Variants in MUTYH observed in about 807,000 individuals in gnomAD.
The protein encoded by MUTYH is mutY DNA glycosylase.
MUTYH carries 64 observed loss-of-function variants against 72.9 expected under a neutral mutation model. The ratio of observed to expected loss-of-function variants is 0.88; its 90% CI spans 0.72 to 1.08. MUTYH has a LOEUF of 1.08. MUTYH is among the 50% of genes least tolerant of loss of function. The pLI, the probability that MUTYH is intolerant of heterozygous loss-of-function variation, is 0.00. For missense variants in MUTYH, 633 were observed against 671.0 expected (o/e 0.94, Z 0.63); for synonymous variants, 234 against 263.1 (o/e 0.89, Z 1.07).
intron 1 of MUTYH, chr1:45,338,314 G>A (rs1646256729): frequency 7.6e-6 from 4 of 528,812 alleles, no homozygotes; most frequent in Non-Finnish European, 1.5e-5. Context: ...TCTAGCCAAG[G>A]TTGACTGAAT....
At chr1:45,339,659 T>A in intron 1 of MUTYH, 1 of 384,320 alleles carries the variant, frequency 2.6e-6, no homozygotes, top group Non-Finnish European at 5.1e-6. Flanking sequence ...AAAGCTTCCC[T>A]ACCAATCGGT....
chr1:45,340,364 T>A (rs1646844785), upstream of MUTYH: 1 of 1,569,314 alleles, frequency 6.4e-7, no homozygotes, highest in Admixed American at 1.9e-5. Context: ...GGGGAAGGCC[T>A]CGGGCTCATA....
At chr1:45,329,825 A>G (rs1644466020) in intron 15 of MUTYH, 2 of 201,888 alleles carry the variant, frequency 9.9e-6, no homozygotes, top group African/African-American at 2.3e-5. Context: ...TGGAAAGAAC[A>G]TCGCTACGGT....
rs587778538 is a variant in MUTYH at position 45,331,810 on chromosome 1, G to C, written c.953C>G (p.Ser318Trp). ...TCCCAGGGTCTGGTCCCAGGGCTCCGAGGGAGGCAGGCACAGGTGGCACTG... is the reference window on the plus strand; with the variant it reads ...TCCCAGGGTCTGGTCCCAGGGCTCCCAGGGAGGCAGGCACAGGTGGCACTG... ...TGQCHLCLPP[S>W]EPWDQTLGVV... The change falls in exon 12 of 16, where the codon TCG (serine) becomes TGG (tryptophan). Residue 318 changes from serine (S) to tryptophan (W), a missense_variant. Coordinates refer to ENST00000456914, the MANE Select transcript of MUTYH (RefSeq NM_001048174.2). 3.6e-5 allele frequency: 58 copies of C among 1,609,824 alleles called. No individual in the cohort carries two copies. Among genetic ancestry groups the C allele is most frequent in the Non-Finnish European group, 4.6e-5 (54 of 1,177,952 alleles).
chr1:45,339,680 C>T (rs911916414), intron 1 of MUTYH: 1 of 482,118 alleles, frequency 2.1e-6, no homozygotes, highest in African/African-American at 2.0e-5. Context: ...CGCTCTTACA[C>T]CCTGGGCAGC....
chr1:45,333,229 C>T lies in MUTYH; in HGVS notation c.304+56G>A, dbSNP rs201858839. ...GACCTGCCCCTACCTGGCCCACAGC[C>T]CCCAGACCCAAGGGCCTCGAGGCAA... On this transcript the variant is annotated intron_variant, in intron 4 of 15. Transcript: ENST00000456914. 3.8e-3 allele frequency: 6,108 copies of T among 1,614,104 alleles called. 23 individuals are homozygous for T. The highest frequency in any genetic ancestry group is 5.0e-3 in the Admixed American group (301 of 60,020).
At position 45,331,432 on chromosome 1, in the gene MUTYH, C is replaced by T. The variant is rs199575659; in HGVS notation, c.1227G>A (p.Arg409=). The T allele has an allele frequency of 9.3e-6, 15 of 1,614,250 alleles. No homozygotes were observed. The highest frequency in any genetic ancestry group is 6.7e-5 in the East Asian group (3 of 44,880). ...GCTGCTCACTTACCTCCCCAAGGTGCCGGAGGTGCGTGGCTGGGAGGGGCC... is the reference window on the plus strand; with the variant it reads ...GCTGCTCACTTACCTCCCCAAGGTGTCGGAGGTGCGTGGCTGGGAGGGGCC... ...WAGPLPATHL[R]HLGEVVHTFS... is the part of the protein sequence containing the mutation. The change falls in exon 13 of 16, where the codon CGG becomes CGA. Residue 409 remains arginine, a synonymous_variant. Coordinates refer to ENST00000456914, the MANE Select transcript of MUTYH (RefSeq NM_001048174.2).
At chr1:45,329,536 AG>A in intron 15 of MUTYH, 99 bp from the exon 16 acceptor site, 1 of 1,479,190 alleles carries the variant, frequency 6.8e-7, no homozygotes, top group Non-Finnish European at 9.2e-7. Context: ...CTACTGATCT[AG>A]CTAGGCTTAG....
In MUTYH at chr1:45,337,565, T is replaced by C. The variant is rs370015131; in HGVS notation, c.-7+2334A>G. On this transcript the variant is annotated intron_variant, in intron 1 of 15. Coordinates refer to ENST00000456914, the MANE Select transcript of MUTYH (RefSeq NM_001048174.2). ...TTCTTTTTTAAATACTGTAGGCCTT[T>C]ACTATGGGTCATTAAATTCTTGAGC... Among the ~76,000 whole-genome samples the C allele has an allele frequency of 2.5e-4, 38 of 152,094 alleles. No individual in the cohort carries two copies. In the East Asian group the frequency reaches 6.6e-3, roughly 26 times the overall value.
upstream of MUTYH, chr1:45,340,369 C>T (rs1427525250): frequency 2.6e-6 from 4 of 1,562,682 alleles, no homozygotes; most frequent in Non-Finnish European, 2.6e-6. Flanking sequence ...AGGCCTCGGG[C>T]TCATAGTTCT....
At chr1:45,340,195 A>C (rs1646805156), upstream of MUTYH, 1 of 1,613,308 alleles carries the variant, frequency 6.2e-7, no homozygotes, top group African/African-American at 1.3e-5. Context: ...CCGCGCCAGG[A>C]GACGGACCGC....
In MUTYH at chr1:45,339,932, G is replaced by C; in HGVS notation, c.-40C>G. The C allele has an allele frequency of 5.5e-6, 8 of 1,458,566 alleles. No homozygotes were observed. The highest frequency in any genetic ancestry group is 6.4e-6 in the Non-Finnish European group (7 of 1,087,776). The allele number at this position is 1,458,566 out of a possible 1,614,324, so 90.4% of individuals were successfully genotyped here. A position where few individuals can be genotyped will look rare whatever the true frequency, so the allele number is the denominator to read the frequency against. Reference sequence around the variant, plus strand: ...CACGCTGATGAAGACAGCAGAACACGGAGGCCCCGCGTTCCCGCCGCGAGA... The same window carrying C: ...CACGCTGATGAAGACAGCAGAACACCGAGGCCCCGCGTTCCCGCCGCGAGA... On this transcript the variant is annotated 5_prime_UTR_variant, in exon 1 of 16. Coordinates refer to ENST00000456914, the MANE Select transcript of MUTYH (RefSeq NM_001048174.2).
At chr1:45,337,193 G>A (rs1256146637) in intron 1 of MUTYH, among the ~76,000 whole-genome samples, 2 of 150,820 alleles carry the variant, frequency 1.3e-5, no homozygotes, top group African/African-American at 4.9e-5. Context: ...ACCCAGGCTG[G>A]AGTGCAGTGG....
chr1:45,339,068 A>G (rs150650295), intron 1 of MUTYH, among the ~76,000 whole-genome samples: 1 of 152,230 alleles, frequency 6.6e-6, no homozygotes, highest in Non-Finnish European at 1.5e-5. Context: ...CGGCCCAAGC[A>G]GTTCTGAATA....
rs140738982 is a variant in MUTYH at position 45,332,107 on chromosome 1, T to C, written c.850-21A>G. ...TCCACCTGAGAGGCACAGGGTTGAGTGTCATAGGGCAGAGTCACTCCTTAG... is the reference window on the plus strand; with the variant it reads ...TCCACCTGAGAGGCACAGGGTTGAGCGTCATAGGGCAGAGTCACTCCTTAG... On this transcript the variant is annotated intron_variant, in intron 10 of 15. Transcript: ENST00000456914. 2.8e-5 allele frequency: 45 copies of C among 1,613,976 alleles called. No individual in the cohort carries two copies. In the South Asian group the frequency reaches 4.5e-4, roughly 16 times the overall value.
chr1:45,334,999 G>A (rs1217557696), intron 1 of MUTYH, among the ~76,000 whole-genome samples: 1 of 152,154 alleles, frequency 6.6e-6, no homozygotes, highest in African/African-American at 2.4e-5. Context: ...AGGGACAAAA[G>A]ATCTGTCTGA....
rs2149178251 is a variant in MUTYH, at chr1:45,333,662, T to C, written c.116-101A>G. 2 of 1,521,868 alleles carry C rather than the reference T, an allele frequency of 1.3e-6. 1 individual carries two copies. The highest frequency in any genetic ancestry group is 2.7e-5 in the African/African-American group (2 of 72,854). The allele number at this position is 1,521,868 out of a possible 1,614,324, so 94.3% of individuals were successfully genotyped here. On this transcript the variant is annotated intron_variant, in intron 2 of 15. Transcript: ENST00000456914. ...TGGCAGTATGCTCCCACTTAGGGCT[T>C]CCCCCAACTAACCCCCTTAAGCTTT...
chr1:45,333,231 C>A, intron 4 of MUTYH, 54 bp downstream of exon 4: 1 of 1,614,178 alleles, frequency 6.2e-7, no homozygotes, highest in African/African-American at 1.3e-5. Flanking sequence ...CCCACAGCCC[C>A]CAGACCCAAG....
rs587778534 is a variant in MUTYH at position 45,332,263 on chromosome 1, T to G, written c.752A>C (p.Asn251Thr). ...LVDPARPGDF[N>T]QAAMELGATV... is the part of the protein sequence containing the mutation. ...GGCCCCTAGCTCCATGGCTGCTTGG[T>G]TGAAATCTCCTGGCCGGGCTGGGTC... The change falls in exon 10 of 16, where the codon AAC becomes ACC. Residue 251 changes from asparagine to threonine, a missense_variant. Transcript: ENST00000456914. 9 of 1,613,930 alleles carry G rather than the reference T, an allele frequency of 5.6e-6. No homozygotes were observed. The African/African-American group carries it at 8.0e-5, about 14-fold the overall frequency.
Sources: allele counts gnomAD v4.1 joint callset (sites outside exome capture counted in the v4.1 genomes callset), GRCh38; gene constraint gnomAD v4.1.1; transcripts MANE v1.5; gene names NCBI Gene and HGNC (gene_info 2026-07-23, HGNC 2026-07-21).